The following PTTG1IP variants were observed in gnomAD, a reference collection of about 807,000 sequenced individuals.
PTTG1IP encodes the protein pituitary tumor-transforming gene 1 protein-interacting protein.
Under a neutral mutation model 24.4 loss-of-function variants are expected in PTTG1IP, and 16 were observed. That is an observed-to-expected ratio of 0.66 (90% CI 0.44 to 1.00). The LOEUF (loss-of-function observed/expected upper bound fraction) is 1.00. Among genes scored for constraint, PTTG1IP ranks in the 50% least tolerant of loss-of-function variants. The pLI is 0.00. For synonymous variants in PTTG1IP, 89 were observed against 96.8 expected, an observed-to-expected ratio of 0.92 and a Z score of 0.47; for missense variants, 241 against 245.8, an observed-to-expected ratio of 0.98 and a Z score of 0.13.
At chr21:44,852,574 G>C (rs1284098047) in intron 5 of PTTG1IP, among the ~76,000 whole-genome samples, 1 of 152,212 alleles carries the variant, frequency 6.6e-6, no homozygotes, top group African/African-American at 2.4e-5. Context: ...GGGCTGGGTG[G>C]AAGAGGCGGC....
chr21:44,871,584 A>G (rs1039301642), intron 1 of PTTG1IP, among the ~76,000 whole-genome samples: 2 of 152,208 alleles, frequency 1.3e-5, no homozygotes, highest in African/African-American at 2.4e-5. Context: ...GTATTCTCTA[A>G]ATTCACACAG....
chr21:44,860,508 A>G (rs1349739449), intron 3 of PTTG1IP, among the ~76,000 whole-genome samples: 1 of 152,184 alleles, frequency 6.6e-6, no homozygotes, highest in Non-Finnish European at 1.5e-5. Flanking sequence ...TTAAGCTGGG[A>G]AAACTGGAGA....
At chr21:44,854,804 G>A (rs756558696) in intron 5 of PTTG1IP, among the ~76,000 whole-genome samples, 16 of 152,158 alleles carry the variant, frequency 1.1e-4, no homozygotes, top group African/African-American at 1.9e-4. Context: ...TGGAAGGAGC[G>A]CCTGCCACAC....
At chr21:44,864,777 G>C (rs2083522071) in intron 2 of PTTG1IP, among the ~76,000 whole-genome samples, 1 of 152,236 alleles carries the variant, frequency 6.6e-6, no homozygotes, top group African/African-American at 2.4e-5. Flanking sequence ...GTGGGCATCT[G>C]CATCAGTCTC....
chr21:44,851,211 A>G lies in PTTG1IP; in HGVS notation c.*370T>C. The G allele has an allele frequency of 1.1e-6, 1 of 924,000 alleles. No individual in the cohort carries two copies. The highest frequency in any genetic ancestry group is 1.6e-6 in the Non-Finnish European group (1 of 638,042). The allele number at this position is 924,000 out of a possible 1,614,324, so 57.2% of individuals were successfully genotyped here. A position where few individuals can be genotyped will look rare whatever the true frequency, so the allele number is the denominator to read the frequency against. ...CCCTGTGTTGCGTGTGAAGCTTGTT[A>G]GTGGACAGAGAGAAACGCAGGGTTC... On this transcript the variant is annotated 3_prime_UTR_variant, in exon 6 of 6. Transcript: ENST00000330938.
At position 44,873,645 on chromosome 21, in the gene PTTG1IP, G is replaced by A; in HGVS notation, c.-29C>T. On this transcript the variant is annotated 5_prime_UTR_variant, in exon 1 of 6. Transcript: ENST00000330938. ...CGGCCGGTCGCTCTATCAGTCAGTG[G>A]AGCGTTACAACTCCGACTCCAGCAC... is the stretch of plus-strand genomic sequence containing the variant. 1 of 1,376,392 alleles carries A rather than the reference G, an allele frequency of 7.3e-7. No homozygotes were observed. Among genetic ancestry groups the A allele is most frequent in the Non-Finnish European group, 9.4e-7 (1 of 1,064,216 alleles). 85.3% of individuals were successfully genotyped at this position (1,376,392 alleles called of 1,614,324 possible). A position where few individuals can be genotyped will look rare whatever the true frequency, so the allele number is the denominator to read the frequency against.
intron 5 of PTTG1IP, among the ~76,000 whole-genome samples, chr21:44,851,850 C>G (rs969731767): frequency 4.6e-5 from 7 of 152,124 alleles, no homozygotes; most frequent in Non-Finnish European, 1.5e-5. Context: ...CTAACAGATC[C>G]TAAGAGATAA....
At chr21:44,871,193 C>T (rs961378413) in intron 1 of PTTG1IP, among the ~76,000 whole-genome samples, 1 of 152,214 alleles carries the variant, frequency 6.6e-6, no homozygotes, top group Non-Finnish European at 1.5e-5. Flanking sequence ...ACACTGTGAA[C>T]CCTATGTACA....
chr21:44,867,409 G>C (rs1005780279), intron 1 of PTTG1IP, among the ~76,000 whole-genome samples: 1 of 151,844 alleles, frequency 6.6e-6, no homozygotes, highest in African/African-American at 2.4e-5. Context: ...GGAGGGAGGG[G>C]GGCAATGGCT....
chr21:44,851,669 C>A, intron 5 of PTTG1IP, 42 bp from the exon 6 acceptor site: 1 of 1,534,292 alleles, frequency 6.5e-7, no homozygotes, highest in Non-Finnish European at 8.8e-7. Context: ...ATTCATTCAA[C>A]CAGAAACAAA....
At chr21:44,863,643 A>G (rs2838715) in intron 2 of PTTG1IP, among the ~76,000 whole-genome samples, 46,176 of 152,226 alleles carry the variant, frequency 0.3, 7,712 homozygotes, top group African/African-American at 0.45. Context: ...CTACAAAGCC[A>G]CATACAATAG....
rs552923185 is a variant in PTTG1IP, at chr21:44,850,109, T to A, written c.*1472A>T. On this transcript the variant is annotated 3_prime_UTR_variant, in exon 6 of 6. Coordinates refer to ENST00000330938, the MANE Select transcript of PTTG1IP (RefSeq NM_004339.4). ...AGGCTTATCGAGCTGTTTGACGAGTTCTTGAAGTGTTCTGGATCAGTGATC... is the reference window on the plus strand; with the variant it reads ...AGGCTTATCGAGCTGTTTGACGAGTACTTGAAGTGTTCTGGATCAGTGATC... 19 of 152,310 alleles carry A rather than the reference T, an allele frequency of 1.2e-4. No homozygotes were observed. In the South Asian group the frequency reaches 3.9e-3, roughly 32 times the overall value. 9.4% of individuals were successfully genotyped at this position (152,310 alleles called of 1,614,324 possible).
At chr21:44,855,414 A>T (rs1325890391) in intron 4 of PTTG1IP, among the ~76,000 whole-genome samples, 158 bp from the exon 5 acceptor site, 1 of 152,140 alleles carries the variant, frequency 6.6e-6, no homozygotes, top group African/African-American at 2.4e-5. Context: ...AAGCTTGGTC[A>T]TCAGGCCACA....
At chr21:44,857,050 C>T (rs956258538) in intron 3 of PTTG1IP, among the ~76,000 whole-genome samples, 2 of 152,230 alleles carry the variant, frequency 1.3e-5, no homozygotes, top group African/African-American at 4.8e-5. Flanking sequence ...ACAGATCTTA[C>T]TATCCTTTTA....
chr21:44,868,779 G>T (rs185719719), intron 1 of PTTG1IP, among the ~76,000 whole-genome samples: 1 of 152,116 alleles, frequency 6.6e-6, no homozygotes, highest in Non-Finnish European at 1.5e-5. Flanking sequence ...ATTCCCCAAA[G>T]ATGCCAAGTC....
chr21:44,854,683 T>C (rs549017049), intron 5 of PTTG1IP, among the ~76,000 whole-genome samples: 77 of 152,348 alleles, frequency 5.1e-4, no homozygotes, highest in African/African-American at 1.8e-3. Context: ...GGCAAATACA[T>C]TCATTCTGGC....
intron 2 of PTTG1IP, among the ~76,000 whole-genome samples, chr21:44,862,417 G>A (rs1301944020): frequency 6.6e-6 from 1 of 152,242 alleles, no homozygotes; most frequent in African/African-American, 2.4e-5. Context: ...TACTCCAGAG[G>A]CTGAGGCAGG....
chr21:44,858,326 C>T lies in PTTG1IP; in HGVS notation c.278-1962G>A, dbSNP rs1016555302. Among the ~76,000 whole-genome samples the T allele has an allele frequency of 3.3e-5, 5 of 152,316 alleles. No individual in the cohort carries two copies. The South Asian group carries it at 8.3e-4, about 25-fold the overall frequency. ...AGGACCTGTGGTGCAAGACCTAAAA[C>T]GGGTATCATGTGCGCCGCGGCATCT... On this transcript the variant is annotated intron_variant, in intron 3 of 5. Coordinates refer to ENST00000330938, the MANE Select transcript of PTTG1IP (RefSeq NM_004339.4).
intron 2 of PTTG1IP, among the ~76,000 whole-genome samples, chr21:44,863,197 A>G (rs879117014): frequency 0.033 from 3,147 of 96,790 alleles, 9 homozygotes; most frequent in Middle Eastern, 0.059. Flanking sequence ...GACACAGCCC[A>G]CCACGGCCTC....
Sources: allele counts gnomAD v4.1 joint callset (sites outside exome capture counted in the v4.1 genomes callset), GRCh38; gene constraint gnomAD v4.1.1; transcripts MANE v1.5; gene names NCBI Gene and HGNC (gene_info 2026-07-23, HGNC 2026-07-21).